Variants in ZNF578 observed in about 807,000 individuals in gnomAD.
ZNF578 encodes zinc finger protein 578.
A neutral mutation model predicts 8.3 loss-of-function variants in ZNF578; 8 were observed. That is an observed-to-expected ratio of 0.96 (90% CI 0.56 to 1.74). The LOEUF (loss-of-function observed/expected upper bound fraction) is 1.74, where lower values mean the gene tolerates loss of function less well. Ranked by LOEUF, ZNF578 falls within the 40% of genes most tolerant of loss-of-function variation. The pLI is 0.00. For missense variants in ZNF578, 726 were observed against 707.5 expected, an observed-to-expected ratio of 1.03 and a Z score of -0.30; for synonymous variants, 206 against 232.2, an observed-to-expected ratio of 0.89 and a Z score of 1.03.
chr19:52,501,887 G>A lies in ZNF578; in HGVS notation c.42G>A (p.Glu14=). The A allele has an allele frequency of 1.9e-6, 3 of 1,613,468 alleles. No homozygotes were observed. Among genetic ancestry groups the A allele is most frequent in the Non-Finnish European group, 2.5e-6 (3 of 1,179,766 alleles). ...EEAAQKRKGK[E]PGMALPQGRL... ...CAGCTCAGAAGAGGAAAGGAAAGGA[G>A]CCAGGCATGGCTCTTCCTCAGGTGA... is the stretch of plus-strand genomic sequence containing the variant. The change falls in exon 4 of 6, where the codon GAG becomes GAA. Residue 14 remains glutamate (E), a synonymous_variant. Transcript: ENST00000421239.
rs187978364 is a variant in ZNF578, at chr19:52,480,358, A to C, written c.-121-10966A>C. On this transcript the variant is annotated intron_variant, in intron 2 of 5. Transcript: ENST00000421239. Reference sequence around the variant, plus strand: ...TGCACATACTGACCGAAATAAAATCAGGGCCTGAACTTAGTTGTTTACTGA... The same window carrying C: ...TGCACATACTGACCGAAATAAAATCCGGGCCTGAACTTAGTTGTTTACTGA... 1.8e-3 allele frequency among the ~76,000 whole-genome samples: 278 copies of C among 152,290 alleles called. 2 individuals carry two copies. Among genetic ancestry groups the C allele is most frequent in the African/African-American group, 6.5e-3 (269 of 41,558 alleles).
chr19:52,483,762 G>A (rs2059335354), intron 2 of ZNF578, among the ~76,000 whole-genome samples: 1 of 152,144 alleles, frequency 6.6e-6, no homozygotes, highest in African/African-American at 2.4e-5. Context: ...TTATGTAACT[G>A]TACTTGTGAC....
chr19:52,485,839 G>A (rs2059343583), intron 2 of ZNF578, among the ~76,000 whole-genome samples: 1 of 152,174 alleles, frequency 6.6e-6, no homozygotes, highest in South Asian at 2.1e-4. Context: ...GTGGAAGGCT[G>A]CAAGGACCTC....
intron 3 of ZNF578, among the ~76,000 whole-genome samples, chr19:52,493,304 C>A (rs1220843457): frequency 1.3e-5 from 2 of 152,074 alleles, no homozygotes; most frequent in African/African-American, 4.8e-5. Flanking sequence ...GCGCCGTCGC[C>A]CCCTACGTCC....
chr19:52,509,557 A>AG (rs2122981480), intron 5 of ZNF578, among the ~76,000 whole-genome samples: 1 of 152,250 alleles, frequency 6.6e-6, no homozygotes, highest in South Asian at 2.1e-4. Flanking sequence ...GGGAGGCCAA[A>AG]GGGGGTGGAG....
chr19:52,489,800 C>T (rs2059359084), intron 2 of ZNF578, among the ~76,000 whole-genome samples: 2 of 151,540 alleles, frequency 1.3e-5, no homozygotes, highest in African/African-American at 2.4e-5. Context: ...GGACTACAGG[C>T]GCCCGCCACC....
At chr19:52,501,168 C>G (rs111865301) in intron 3 of ZNF578, among the ~76,000 whole-genome samples, 5 of 152,154 alleles carry the variant, frequency 3.3e-5, no homozygotes, top group Admixed American at 3.3e-4. Context: ...AGAGCCCCTG[C>G]GTCTGGCCTC....
chr19:52,465,879 C>G (rs903870909), intron 2 of ZNF578, among the ~76,000 whole-genome samples: 3 of 152,238 alleles, frequency 2.0e-5, no homozygotes, highest in African/African-American at 7.2e-5. Context: ...CACGCTTGAG[C>G]GTTCCTTTAC....
chr19:52,489,696 C>T (rs1316340755), intron 2 of ZNF578, among the ~76,000 whole-genome samples: 1 of 151,772 alleles, frequency 6.6e-6, no homozygotes, highest in African/African-American at 2.4e-5. Context: ...CACTGTGTTG[C>T]CCAGCCTGAA....
intron 2 of ZNF578, among the ~76,000 whole-genome samples, chr19:52,468,161 A>G (rs376176678): frequency 5.3e-5 from 8 of 152,212 alleles, no homozygotes; most frequent in East Asian, 1.9e-4. Context: ...TAATTTTATT[A>G]CAATTAAAGA....
intron 4 of ZNF578, among the ~76,000 whole-genome samples, 160 bp downstream of exon 4, chr19:52,502,068 G>T (rs1187801730): frequency 1.3e-5 from 2 of 152,140 alleles, no homozygotes; most frequent in Non-Finnish European, 2.9e-5. Flanking sequence ...CCTGCCCTCA[G>T]TTCCTCTCAT....
intron 2 of ZNF578, among the ~76,000 whole-genome samples, chr19:52,465,176 G>C (rs1270103690): frequency 6.6e-6 from 1 of 152,094 alleles, no homozygotes; most frequent in Non-Finnish European, 1.5e-5. Flanking sequence ...GTAGTAAACT[G>C]CAGGGCGAGC....
intron 2 of ZNF578, among the ~76,000 whole-genome samples, chr19:52,490,854 C>A (rs2059362837): frequency 6.6e-6 from 1 of 152,128 alleles, no homozygotes; most frequent in South Asian, 2.1e-4. Flanking sequence ...TTTGACAATA[C>A]AGAATTTCCA....
chr19:52,490,011 T>C (rs546461994), intron 2 of ZNF578, among the ~76,000 whole-genome samples: 2 of 152,320 alleles, frequency 1.3e-5, no homozygotes, highest in East Asian at 3.9e-4. Flanking sequence ...TATTGGACAA[T>C]AAGAACTCTG....
chr19:52,485,926 G>C (rs1170786691), intron 2 of ZNF578, among the ~76,000 whole-genome samples: 1 of 152,146 alleles, frequency 6.6e-6, no homozygotes, highest in Non-Finnish European at 1.5e-5. Flanking sequence ...GGAAGGGAAA[G>C]ACCCGACCAT....
At chr19:52,466,507 A>T (rs540643262) in intron 2 of ZNF578, among the ~76,000 whole-genome samples, 1 of 151,816 alleles carries the variant, frequency 6.6e-6, no homozygotes, top group Non-Finnish European at 1.5e-5. Context: ...AGTTTTCTCT[A>T]TGTTTTTTAA....
intron 2 of ZNF578, among the ~76,000 whole-genome samples, chr19:52,482,609 G>A (rs2059330661): frequency 6.6e-6 from 1 of 151,870 alleles, no homozygotes; most frequent in Non-Finnish European, 1.5e-5. Context: ...CTGCACACCA[G>A]CCTGGGCAAC....
At chr19:52,482,375 C>T (rs2059329757) in intron 2 of ZNF578, among the ~76,000 whole-genome samples, 1 of 152,058 alleles carries the variant, frequency 6.6e-6, no homozygotes, top group Non-Finnish European at 1.5e-5. Flanking sequence ...CGGTGGCTCA[C>T]GCCAGTAATC....
chr19:52,497,726 G>A (rs2122917264), intron 3 of ZNF578, among the ~76,000 whole-genome samples: 1 of 152,260 alleles, frequency 6.6e-6, no homozygotes, highest in East Asian at 1.9e-4. Flanking sequence ...GTTTCAGTGT[G>A]TACTTGATAA....
Sources: gnomAD v4.1 joint callset for allele counts (sites outside exome capture counted in the v4.1 genomes callset) on GRCh38, gnomAD v4.1.1 for gene constraint, MANE v1.5 for transcripts, NCBI Gene and HGNC (gene_info 2026-07-23, HGNC 2026-07-21) for gene names.